Variants in ARNT2 observed in about 807,000 individuals in gnomAD.
ARNT2 encodes the protein ARNT protein 2.
Under a neutral mutation model 91.7 loss-of-function variants are expected in ARNT2, and 36 were observed. That is an observed-to-expected ratio of 0.39 (90% confidence interval 0.30 to 0.52). ARNT2 has a LOEUF of 0.52. ARNT2 is among the 20% of genes least tolerant of loss of function. ARNT2 has a pLI of 0.72. For missense variants in ARNT2, 775 were observed against 939.3 expected, an observed-to-expected ratio of 0.83 and a Z score of 2.29; for synonymous variants, 365 against 347.1, an observed-to-expected ratio of 1.05 and a Z score of -0.57.
chr15:80,552,724 A>C lies in ARNT2; in HGVS notation c.1039A>C (p.Ile347Leu), dbSNP rs766358411. Reference protein sequence around the residue: ...FLSRHNSDGIITFVDPRCISV... With the variant: ...FLSRHNSDGILTFVDPRCISV... ...ATCCCGGCATAACTCCGATGGAATCATCACATTTGTGGATCCAAGATGTAT... is the reference window on the plus strand; with the variant it reads ...ATCCCGGCATAACTCCGATGGAATCCTCACATTTGTGGATCCAAGATGTAT... The change falls in exon 10 of 19, where the codon ATC becomes CTC. Residue 347 changes from isoleucine (I) to leucine (L), a missense_variant. Physicochemically the swap from Ile to Leu is conservative, Grantham distance 5. Transcript: ENST00000303329. The C allele has an allele frequency of 6.2e-7, 1 of 1,614,074 alleles. No individual in the cohort carries two copies. Among genetic ancestry groups the C allele is most frequent in the Admixed American group, 1.7e-5 (1 of 60,010 alleles).
chr15:80,429,792 G>T (rs1480657633), intron 1 of ARNT2, among the ~76,000 whole-genome samples: 1 of 152,114 alleles, frequency 6.6e-6, no homozygotes, highest in East Asian at 1.9e-4. Flanking sequence ...GGTGTCTGGA[G>T]AGGTGGAGAA....
chr15:80,440,016 C>T (rs1896163983), intron 1 of ARNT2, among the ~76,000 whole-genome samples: 1 of 152,212 alleles, frequency 6.6e-6, no homozygotes, highest in African/African-American at 2.4e-5. Flanking sequence ...CAGGGTCTGT[C>T]TTACTGCACA....
intron 17 of ARNT2, among the ~76,000 whole-genome samples, chr15:80,582,353 A>G (rs1464007487): frequency 2.0e-5 from 3 of 150,348 alleles, no homozygotes; most frequent in Admixed American, 1.3e-4. Flanking sequence ...AAAATTAGCC[A>G]GGTGTTGTGG....
At chr15:80,468,289 A>C (rs1173923098) in intron 3 of ARNT2, among the ~76,000 whole-genome samples, 1 of 150,514 alleles carries the variant, frequency 6.6e-6, no homozygotes, top group Non-Finnish European at 1.5e-5. Context: ...CCAACCCTGA[A>C]CCTCTCCCGC....
At chr15:80,512,858 A>G (rs1421162625) in intron 6 of ARNT2, among the ~76,000 whole-genome samples, 2 of 152,166 alleles carry the variant, frequency 1.3e-5, no homozygotes, top group Non-Finnish European at 2.9e-5. Flanking sequence ...CCAGGTCCAT[A>G]CTGCCTGTGT....
chr15:80,539,191 A>G (rs1020400079), intron 8 of ARNT2, among the ~76,000 whole-genome samples: 7 of 152,128 alleles, frequency 4.6e-5, no homozygotes, highest in African/African-American at 1.7e-4. Context: ...TGAAGTTAGC[A>G]CAACTTTGAA....
chr15:80,459,798 A>C (rs1304462924), intron 3 of ARNT2, among the ~76,000 whole-genome samples: 3 of 152,244 alleles, frequency 2.0e-5, no homozygotes, highest in African/African-American at 7.2e-5. Context: ...AAAATAAGGA[A>C]GATAGGATGT....
chr15:80,448,717 C>T (rs924191852), intron 1 of ARNT2, among the ~76,000 whole-genome samples: 4 of 152,202 alleles, frequency 2.6e-5, no homozygotes, highest in Admixed American at 2.6e-4. Context: ...GGCGCGGTGG[C>T]TAACGCCTGT....
chr15:80,596,955 G>T lies in ARNT2; in HGVS notation c.*3257G>T. 3 of 355,628 alleles carry T rather than the reference G, an allele frequency of 8.4e-6. No individual in the cohort carries two copies. Among genetic ancestry groups the T allele is most frequent in the Non-Finnish European group, 1.7e-5 (3 of 180,040 alleles). 22.0% of individuals were successfully genotyped at this position (355,628 alleles called of 1,614,324 possible). A position where few individuals can be genotyped will look rare whatever the true frequency, so the allele number is the denominator to read the frequency against. ...TTATTTTTAGCTTTGGCTTCAGGGA[G>T]TGACAGCCATCACAAATAGCCACAT... On this transcript the variant is annotated 3_prime_UTR_variant, in exon 19 of 19. Coordinates refer to ENST00000303329, the MANE Select transcript of ARNT2 (RefSeq NM_014862.4).
chr15:80,574,244 C>T, intron 13 of ARNT2, 24 bp downstream of exon 13: 1 of 1,609,568 alleles, frequency 6.2e-7, no homozygotes, highest in Non-Finnish European at 8.5e-7. Flanking sequence ...AAACCCTTTC[C>T]CTGTTGGAAT....
At chr15:80,510,721 C>T (rs893448394) in intron 6 of ARNT2, among the ~76,000 whole-genome samples, 4 of 151,900 alleles carry the variant, frequency 2.6e-5, no homozygotes, top group Admixed American at 6.6e-5. Context: ...CCCTGCTACT[C>T]GGGAGGCTGA....
At chr15:80,453,423 G>T (rs1281756958) in intron 2 of ARNT2, among the ~76,000 whole-genome samples, 1 of 152,176 alleles carries the variant, frequency 6.6e-6, no homozygotes, top group East Asian at 1.9e-4. Flanking sequence ...AAGCCTCAAT[G>T]GCTTAGAGAT....
intron 5 of ARNT2, among the ~76,000 whole-genome samples, chr15:80,483,945 T>C (rs1595982128): frequency 6.6e-6 from 1 of 152,184 alleles, no homozygotes; most frequent in African/African-American, 2.4e-5. Flanking sequence ...AGATAATTGA[T>C]CCCACAGGGG....
intron 5 of ARNT2, among the ~76,000 whole-genome samples, chr15:80,506,867 C>G (rs1016434636): frequency 6.6e-6 from 1 of 152,042 alleles, no homozygotes; most frequent in Non-Finnish European, 1.5e-5. Context: ...AGGTGGTGTC[C>G]CAAGGCAAGA....
At chr15:80,435,472 C>A (rs550408628) in intron 1 of ARNT2, among the ~76,000 whole-genome samples, 1 of 152,276 alleles carries the variant, frequency 6.6e-6, no homozygotes, top group African/African-American at 2.4e-5. Flanking sequence ...GGCTTCCTTT[C>A]ATCCTGGGCC....
Position 80,404,465 on chromosome 15 carries a change from G to T in ARNT2, c.-51G>T, listed in dbSNP as rs748498057. On this transcript the variant is annotated 5_prime_UTR_variant, in exon 1 of 19. Transcript: ENST00000303329. This position sits in a 1 kb window ranked among gnomAD's most constrained non-coding sequence, Gnocchi z 5.5. The stretch of plus-strand genomic sequence containing the variant: ...CCCGGGGCTGAGCGCCGGGCTCCGC[G>T]CCGCCCCTCCCGCGCCCCTGCCAAG... 1 of 1,184,656 alleles carries T rather than the reference G, an allele frequency of 8.4e-7. No homozygotes were observed. Among genetic ancestry groups the T allele is most frequent in the Non-Finnish European group, 1.1e-6 (1 of 938,442 alleles). The allele number at this position is 1,184,656 out of a possible 1,614,324, so 73.4% of individuals were successfully genotyped here. A position where few individuals can be genotyped will look rare whatever the true frequency, so the allele number is the denominator to read the frequency against.
chr15:80,504,655 C>A (rs1897247193), intron 5 of ARNT2, among the ~76,000 whole-genome samples: 1 of 152,060 alleles, frequency 6.6e-6, no homozygotes, highest in African/African-American at 2.4e-5. Flanking sequence ...GTAGTCCCAG[C>A]TACTTGGGAG....
chr15:80,468,726 A>C (rs1896692477), intron 3 of ARNT2, among the ~76,000 whole-genome samples: 1 of 152,106 alleles, frequency 6.6e-6, no homozygotes, highest in Admixed American at 6.5e-5. Context: ...CATTTCCACT[A>C]TGCAAGGTGT....
At chr15:80,416,766 T>C (rs1314385830) in intron 1 of ARNT2, among the ~76,000 whole-genome samples, 1 of 152,216 alleles carries the variant, frequency 6.6e-6, no homozygotes, top group African/African-American at 2.4e-5. Context: ...TTTTCTAAAA[T>C]TTTAATTTTT....
Sources: gnomAD v4.1 joint callset for allele counts (sites outside exome capture counted in the v4.1 genomes callset) on GRCh38, gnomAD v4.1.1 for gene constraint, Gnocchi (gnomAD v3.1) non-coding constraint, MANE v1.5 for transcripts, NCBI Gene and HGNC (gene_info 2026-07-23, HGNC 2026-07-21) for gene names.